The following SERTAD4 variants were observed in gnomAD, a reference collection of about 807,000 sequenced individuals.
SERTAD4 encodes the protein SERTA domain-containing protein 4.
In SERTAD4, 18 loss-of-function variants were observed where a neutral mutation model predicts 32.9. The ratio of observed to expected loss-of-function variants is 0.55; its 90% CI spans 0.38 to 0.81. SERTAD4 has a LOEUF of 0.81. Among genes scored for constraint, SERTAD4 ranks in the 30% least tolerant of loss-of-function variants. The pLI is 0.00. For synonymous variants in SERTAD4, 150 were observed against 156.4 expected, an observed-to-expected ratio of 0.96 and a Z score of 0.30; for missense variants, 383 against 426.0, an observed-to-expected ratio of 0.90 and a Z score of 0.89.
At chr1:210,234,306 C>A (rs1223512726) in intron 1 of SERTAD4, among the ~76,000 whole-genome samples, 1 of 152,182 alleles carries the variant, frequency 6.6e-6, no homozygotes, top group Non-Finnish European at 1.5e-5. Context: ...CACACACACA[C>A]ACCTTGGGCA....
Position 210,241,934 on chromosome 1 carries a change from C to G in SERTAD4, c.668C>G (p.Ser223Cys). ...ASTAASSPSASSSSSSSSSSP... is the reference protein window; with the variant it reads ...ASTAASSPSACSSSSSSSSSP... ...ACTGCTGCCTCCTCTCCCTCCGCCT[C>G]TTCTTCCTCCTCATCTTCCTCTTCC... The change falls in exon 4 of 4, where the codon TCT becomes TGT. Residue 223 changes from serine to cysteine, a missense_variant. Coordinates refer to ENST00000367012, the MANE Select transcript of SERTAD4 (RefSeq NM_019605.5). 6.2e-7 allele frequency: 1 copy of G among 1,614,170 alleles called. No homozygotes were observed. Among genetic ancestry groups the G allele is most frequent in the Non-Finnish European group, 8.5e-7 (1 of 1,180,016 alleles).
In SERTAD4 at chr1:210,241,626, T is replaced by C. The variant is rs1263463341; in HGVS notation, c.360T>C (p.Asp120=). ...CCTTAGAAAAGCTAAAGTTTATCGA[T>C]GATCCTGAAGTGTACCTCCGAAGAT... ...YMSLEKLKFI[D]DPEVYLRRSV... Residue 120 remains aspartate, a synonymous_variant, in exon 4 of 4, where the codon GAT becomes GAC. Coordinates refer to ENST00000367012, the MANE Select transcript of SERTAD4 (RefSeq NM_019605.5). 6.2e-6 allele frequency: 10 copies of C among 1,612,898 alleles called. No homozygotes were observed. Among genetic ancestry groups the C allele is most frequent in the Admixed American group, 1.7e-5 (1 of 59,828 alleles).
downstream of SERTAD4, chr1:210,246,307 C>G (rs1053772220): frequency 1.3e-5 from 2 of 152,870 alleles, no homozygotes; most frequent in Admixed American, 1.3e-4. Flanking sequence ...GGTATATTAT[C>G]TTGACATGGC....
chr1:210,235,052 T>C (rs74156110), intron 1 of SERTAD4, among the ~76,000 whole-genome samples: 3,498 of 152,224 alleles, frequency 0.023, 157 homozygotes, highest in African/African-American at 0.08. Flanking sequence ...AGGGCTTTTT[T>C]TTTTCTTATC....
At position 210,243,995 on chromosome 1, in the gene SERTAD4, A is replaced by G. The variant is rs1368122761; in HGVS notation, c.*1658A>G. 6 of 152,300 alleles carry G rather than the reference A, an allele frequency of 3.9e-5. No homozygotes were observed. The highest frequency in any genetic ancestry group is 6.5e-5 in the Admixed American group (1 of 15,292). 9.4% of individuals were successfully genotyped at this position (152,300 alleles called of 1,614,324 possible). The stretch of plus-strand genomic sequence containing the variant: ...TTTTGTCCTTTATTTTCAATATTTG[A>G]TAAACATTTGATGTTCAAAACTTAG... On this transcript the variant is annotated 3_prime_UTR_variant, in exon 4 of 4. Transcript: ENST00000367012.
chr1:210,242,187 T>C lies in SERTAD4; in HGVS notation c.921T>C (p.Ala307=). 6.2e-7 allele frequency: 1 copy of C among 1,614,228 alleles called. No homozygotes were observed. The highest frequency in any genetic ancestry group is 8.5e-7 in the Non-Finnish European group (1 of 1,180,030). Residue 307 remains alanine (A), a synonymous_variant, in exon 4 of 4, where the codon GCT becomes GCC. Coordinates refer to ENST00000367012, the MANE Select transcript of SERTAD4 (RefSeq NM_019605.5). The surrounding 1 kb of genome is among the most constrained non-coding windows in gnomAD (Gnocchi z 4.0). ...LSHEPVGNDL[A]FECKGQFYDY... ...ACGAACCTGTGGGAAATGACCTTGCTTTTGAGTGCAAAGGCCAATTTTATG... is the reference window on the plus strand; with the variant it reads ...ACGAACCTGTGGGAAATGACCTTGCCTTTGAGTGCAAAGGCCAATTTTATG...
chr1:210,240,556 T>A (rs989393278), intron 3 of SERTAD4, among the ~76,000 whole-genome samples: 16 of 152,218 alleles, frequency 1.1e-4, no homozygotes, highest in African/African-American at 3.6e-4. Flanking sequence ...GCCAGTTTGC[T>A]TTTTTGATGG....
intron 1 of SERTAD4, among the ~76,000 whole-genome samples, chr1:210,233,369 T>G (rs1027770120): frequency 6.6e-6 from 1 of 151,278 alleles, no homozygotes; most frequent in Non-Finnish European, 1.5e-5. Context: ...GAAGCTCTGG[T>G]GAGACCTCAT....
At chr1:210,234,633 G>T (rs928968715) in intron 1 of SERTAD4, among the ~76,000 whole-genome samples, 2 of 152,174 alleles carry the variant, frequency 1.3e-5, no homozygotes, top group African/African-American at 4.8e-5. Context: ...TCGATCGGGG[G>T]TGGAAATAGC....
At chr1:210,246,370 T>C (rs1424265155), downstream of SERTAD4, 1 of 156,266 alleles carries the variant, frequency 6.4e-6, no homozygotes, top group Admixed American at 6.5e-5. Context: ...GTGAAAGAGT[T>C]ACTAGTTTGG....
downstream of SERTAD4, chr1:210,246,463 A>G (rs1026585264): frequency 7.2e-6 from 4 of 553,000 alleles, no homozygotes; most frequent in Non-Finnish European, 9.2e-6. Flanking sequence ...GATGTAAGTT[A>G]TGAACACTTG....
chr1:210,238,162 C>G (rs745623748), intron 2 of SERTAD4, 27 bp downstream of exon 2: 1 of 1,411,128 alleles, frequency 7.1e-7, no homozygotes, highest in Non-Finnish European at 9.7e-7. Flanking sequence ...GCGCCCATCC[C>G]CCCCACCCCT....
intron 1 of SERTAD4, among the ~76,000 whole-genome samples, chr1:210,234,596 G>A (rs1390804987): frequency 6.6e-6 from 1 of 152,208 alleles, no homozygotes; most frequent in Admixed American, 6.5e-5. Context: ...GAGGTCAGGG[G>A]CTTGATGCCA....
At chr1:210,237,540 G>A (rs982774637) in intron 1 of SERTAD4, 7 of 172,322 alleles carry the variant, frequency 4.1e-5, no homozygotes, top group Admixed American at 1.7e-4. Context: ...GACTCCCGGG[G>A]GATTGACTAG....
downstream of SERTAD4, chr1:210,246,569 C>T: frequency 1.0e-6 from 1 of 985,328 alleles, no homozygotes; most frequent in Non-Finnish European, 1.2e-6. Flanking sequence ...CATTTCCCTT[C>T]AGTATCTGTG....
rs2084025045 is a variant in SERTAD4, at chr1:210,244,066, T to A, written c.*1729T>A. The A allele has an allele frequency of 6.6e-6, 1 of 152,224 alleles. No individual in the cohort carries two copies. Among genetic ancestry groups the A allele is most frequent in the African/African-American group, 2.4e-5 (1 of 41,466 alleles). The allele number at this position is 152,224 out of a possible 1,614,324, so 9.4% of individuals were successfully genotyped here. Reference sequence around the variant, plus strand: ...AATGTGTTGTAATAAAGTGAGGTTTTCTTGATATATATTTATTAAGATGAT... The same window carrying A: ...AATGTGTTGTAATAAAGTGAGGTTTACTTGATATATATTTATTAAGATGAT... On this transcript the variant is annotated 3_prime_UTR_variant, in exon 4 of 4. Coordinates refer to ENST00000367012, the MANE Select transcript of SERTAD4 (RefSeq NM_019605.5).
chr1:210,233,826 G>A (rs1440836806), intron 1 of SERTAD4: 1 of 469,600 alleles, frequency 2.1e-6, no homozygotes, highest in South Asian at 1.6e-5. Flanking sequence ...GCTTCCAGCG[G>A]GTTTGGCCGG....
rs779927024 is a variant in SERTAD4 at position 210,239,556 on chromosome 1, A to C, written c.239A>C (p.Lys80Thr). Residue 80 changes from lysine (K) to threonine (T), a missense_variant, in exon 3 of 4, where the codon AAG (lysine) becomes ACG (threonine). Around this residue, in one of 3 missense-constraint regions of SERTAD4, gnomAD observed 107 missense variants for 158.8 expected, o/e 0.67. Coordinates refer to ENST00000367012, the MANE Select transcript of SERTAD4 (RefSeq NM_019605.5). ...TTSKITYFKR[K>T]YVEEEDFHPP... ...TCCAAGATCACATACTTTAAGAGGA[A>C]GTATGTGGAAGAAGAGGATTTTCAC... 1 of 1,609,592 alleles carries C rather than the reference A, an allele frequency of 6.2e-7. No individual in the cohort carries two copies. Among genetic ancestry groups the C allele is most frequent in the South Asian group, 1.1e-5 (1 of 89,992 alleles).
downstream of SERTAD4, chr1:210,246,612 A>C (rs948053917): frequency 9.2e-5 from 91 of 985,204 alleles, 1 homozygote; most frequent in African/African-American, 1.4e-3. Flanking sequence ...AACGAAGGGA[A>C]TTTACACAAG....
Sources: gnomAD v4.1 joint callset for allele counts (sites outside exome capture counted in the v4.1 genomes callset) on GRCh38, gnomAD v4.1.1 for gene constraint, gnomAD v4.1.1 regional missense constraint, Gnocchi (gnomAD v3.1) non-coding constraint, MANE v1.5 for transcripts, NCBI Gene and HGNC (gene_info 2026-07-23, HGNC 2026-07-21) for gene names.